SLC25A26: variants seen among roughly 807,000 people sequenced by gnomAD.
SLC25A26 encodes solute carrier family 25 member 26, also known as mitochondrial S-adenosylmethionine carrier protein.
Under a neutral mutation model 37.8 loss-of-function variants are expected in SLC25A26, and 36 were observed. The observed-to-expected ratio is 0.95, with a 90% confidence interval of 0.73 to 1.26. The LOEUF is 1.26. Among genes scored for constraint, SLC25A26 ranks in the 50% most tolerant of loss-of-function variants. The pLI, the probability that SLC25A26 is intolerant of heterozygous loss-of-function variation, is 0.00. For missense variants in SLC25A26, 390 were observed against 331.1 expected, an observed-to-expected ratio of 1.18 and a Z score of -1.38; for synonymous variants, 129 against 122.5, an observed-to-expected ratio of 1.05 and a Z score of -0.35.
At chr3:66,369,731 C>T (rs753147955) in intron 8 of SLC25A26, among the ~76,000 whole-genome samples, 189 bp downstream of exon 8, 2 of 152,154 alleles carry the variant, frequency 1.3e-5, no homozygotes, top group African/African-American at 4.8e-5. Flanking sequence ...AATATTGTAC[C>T]ATTTCACAGT....
At chr3:66,297,217 A>C (rs2107538851) in intron 5 of SLC25A26, among the ~76,000 whole-genome samples, 1 of 151,216 alleles carries the variant, frequency 6.6e-6, no homozygotes, top group Non-Finnish European at 1.5e-5. Flanking sequence ...AATCCCAGCT[A>C]TTCGGGAGGC....
chr3:66,360,183 C>G (rs562298490), intron 6 of SLC25A26, among the ~76,000 whole-genome samples: 1 of 152,258 alleles, frequency 6.6e-6, no homozygotes, highest in East Asian at 1.9e-4. Flanking sequence ...AGTGGAGAAG[C>G]ATTCAGAGTA....
At chr3:66,238,195 C>G (rs1313974651) in intron 2 of SLC25A26, among the ~76,000 whole-genome samples, 1 of 152,114 alleles carries the variant, frequency 6.6e-6, no homozygotes, top group Non-Finnish European at 1.5e-5. Context: ...ACAGTTGACC[C>G]TCGAACAATT....
chr3:66,241,499 A>T (rs1331951995), intron 2 of SLC25A26, among the ~76,000 whole-genome samples: 1 of 152,184 alleles, frequency 6.6e-6, no homozygotes, highest in Non-Finnish European at 1.5e-5. Context: ...TTACATAGTG[A>T]TGTCATTAAG....
At chr3:66,188,099 C>T (rs1443482624) in intron 1 of SLC25A26, among the ~76,000 whole-genome samples, 5 of 152,094 alleles carry the variant, frequency 3.3e-5, no homozygotes, top group Non-Finnish European at 5.9e-5. Flanking sequence ...TCCTCTCACT[C>T]ACTGTAATCT....
chr3:66,207,773 G>A (rs1399647121), intron 1 of SLC25A26, among the ~76,000 whole-genome samples: 5 of 152,118 alleles, frequency 3.3e-5, no homozygotes, highest in African/African-American at 7.2e-5. Flanking sequence ...TTCTTGTAAC[G>A]CTTGTGCCAA....
chr3:66,375,055 AATG>A (rs1408740580), intron 9 of SLC25A26, among the ~76,000 whole-genome samples: 2 of 152,218 alleles, frequency 1.3e-5, no homozygotes, highest in African/African-American at 4.8e-5. Flanking sequence ...TGAATACACA[AATG>A]ATAAGTGTAA....
intron 5 of SLC25A26, among the ~76,000 whole-genome samples, chr3:66,316,487 C>G (rs1465737276): frequency 2.0e-5 from 3 of 152,156 alleles, no homozygotes; most frequent in Non-Finnish European, 4.4e-5. Flanking sequence ...GAGGTCTGCT[C>G]TTAGTCTAAT....
intron 5 of SLC25A26, among the ~76,000 whole-genome samples, chr3:66,290,083 G>C (rs769376809): frequency 6.6e-6 from 1 of 152,078 alleles, no homozygotes; most frequent in African/African-American, 2.4e-5. Flanking sequence ...TATAGCAATT[G>C]TGAATGGGAA....
At chr3:66,228,972 G>A (rs2071885290) in intron 1 of SLC25A26, among the ~76,000 whole-genome samples, 2 of 152,168 alleles carry the variant, frequency 1.3e-5, no homozygotes. Flanking sequence ...TATTGCTAGT[G>A]AAAAACTTGA....
chr3:66,291,893 A>G (rs2074722958), intron 5 of SLC25A26, among the ~76,000 whole-genome samples: 1 of 152,154 alleles, frequency 6.6e-6, no homozygotes, highest in African/African-American at 2.4e-5. Flanking sequence ...TAATATTGAC[A>G]GTTGGTGTTA....
chr3:66,138,084 T>G (rs1278265793), intron 1 of SLC25A26, among the ~76,000 whole-genome samples: 1 of 152,176 alleles, frequency 6.6e-6, no homozygotes, highest in Non-Finnish European at 1.5e-5. Context: ...TCCACCCGCC[T>G]CAGCCTCCCA....
In SLC25A26 at chr3:66,243,210, A is replaced by AT. The variant is rs1482313681; in HGVS notation, c.204dup (p.Ile69TyrfsTer4). 3.2e-6 allele frequency: 5 copies of AT among 1,583,574 alleles called. No homozygotes were observed. The highest frequency in any genetic ancestry group is 3.5e-6 in the Non-Finnish European group (4 of 1,158,842). ...GCTTGTTTTAAATTTCAGCTGCTGC[A>AT]TTTTTTATCACCTATGAATATGTGA... On this transcript the variant is annotated frameshift_variant, in exon 3 of 10. Coordinates refer to ENST00000354883, the MANE Select transcript of SLC25A26 (RefSeq NM_001379210.1). LOFTEE classifies it high-confidence loss of function.
At chr3:66,175,457 T>G (rs2106742068) in intron 1 of SLC25A26, among the ~76,000 whole-genome samples, 1 of 152,152 alleles carries the variant, frequency 6.6e-6, no homozygotes, top group South Asian at 2.1e-4. Flanking sequence ...ACTCCTGACC[T>G]CAGGTGATTC....
chr3:66,333,228 C>T (rs1190634863), intron 5 of SLC25A26, among the ~76,000 whole-genome samples: 3 of 152,182 alleles, frequency 2.0e-5, no homozygotes, highest in Non-Finnish European at 1.5e-5. Context: ...AAATATTCTT[C>T]TGCTTTATTA....
At chr3:66,266,584 T>A (rs1423574450) in intron 5 of SLC25A26, among the ~76,000 whole-genome samples, 5 of 150,484 alleles carry the variant, frequency 3.3e-5, no homozygotes, top group Non-Finnish European at 7.4e-5. Context: ...CACTTTTTTT[T>A]TTTTTTTTTT....
intron 1 of SLC25A26, among the ~76,000 whole-genome samples, chr3:66,170,805 T>TG (rs2070486123): frequency 7.8e-6 from 1 of 127,532 alleles, no homozygotes; most frequent in Non-Finnish European, 1.6e-5. Context: ...TTTTTTTTTT[T>TG]TTTTTTTTTT....
At chr3:66,254,475 G>A (rs1323911380) in intron 3 of SLC25A26, among the ~76,000 whole-genome samples, 1 of 152,204 alleles carries the variant, frequency 6.6e-6, no homozygotes, top group Non-Finnish European at 1.5e-5. Context: ...AAAGTCCAAA[G>A]CAGCTTTTGC....
intron 5 of SLC25A26, among the ~76,000 whole-genome samples, chr3:66,305,018 C>A (rs890219698): frequency 6.6e-6 from 1 of 152,104 alleles, no homozygotes. Context: ...TTCTGAGATT[C>A]TTTATTAGCA....
Sources: gnomAD v4.1 joint callset for allele counts (sites outside exome capture counted in the v4.1 genomes callset) on GRCh38, gnomAD v4.1.1 for gene constraint, MANE v1.5 for transcripts, NCBI Gene and HGNC (gene_info 2026-07-23, HGNC 2026-07-21) for gene names.